The following NTRK3 variants were observed in gnomAD, a reference collection of about 807,000 sequenced individuals.
The protein encoded by NTRK3 is neurotrophic receptor tyrosine kinase 3.
Under a neutral mutation model 91.7 loss-of-function variants are expected in NTRK3, and 24 were observed. That is an observed-to-expected ratio of 0.26 (90% CI 0.19 to 0.37). The LOEUF is 0.37. Among genes scored for constraint, NTRK3 ranks in the 10% least tolerant of loss-of-function variants. The pLI is 1.00. For missense variants in NTRK3, 880 were observed against 1,068.9 expected (o/e 0.82, Z 2.46); for synonymous variants, 483 against 404.0 (o/e 1.20, Z -2.34).
At chr15:87,953,585 A>G (rs1204505303) in intron 14 of NTRK3, among the ~76,000 whole-genome samples, 1 of 152,158 alleles carries the variant, frequency 6.6e-6, no homozygotes, top group Non-Finnish European at 1.5e-5. Context: ...CTGTGCAGCT[A>G]ATGAATGGCC....
At chr15:88,010,888 C>T (rs1247640342) in intron 14 of NTRK3, among the ~76,000 whole-genome samples, 1 of 152,102 alleles carries the variant, frequency 6.6e-6, no homozygotes, top group Admixed American at 6.5e-5. Context: ...GCATTCACAG[C>T]AGTTACCTGG....
At chr15:88,145,005 C>T (rs1319724707) in intron 6 of NTRK3, among the ~76,000 whole-genome samples, 5 of 152,142 alleles carry the variant, frequency 3.3e-5, no homozygotes, top group Non-Finnish European at 7.4e-5. Flanking sequence ...TTTCCTGGCT[C>T]CACAACACAC....
intron 14 of NTRK3, among the ~76,000 whole-genome samples, chr15:87,972,670 T>C (rs1440489012): frequency 1.3e-5 from 2 of 152,022 alleles, no homozygotes; most frequent in Admixed American, 6.5e-5. Context: ...TGGTAGAGGG[T>C]CATGAGAAAA....
At chr15:88,113,380 AT>A (rs575386521) in intron 13 of NTRK3, among the ~76,000 whole-genome samples, 3,584 of 130,714 alleles carry the variant, frequency 0.027, 50 homozygotes, top group Non-Finnish European at 0.041. Flanking sequence ...CAGTGGCGTG[AT>A]CTTGGCTCAC....
At chr15:88,179,429 C>A (rs930475268) in intron 5 of NTRK3, among the ~76,000 whole-genome samples, 1 of 152,192 alleles carries the variant, frequency 6.6e-6, no homozygotes, top group Non-Finnish European at 1.5e-5. Context: ...AAAACAAAGC[C>A]ACCTACCATA....
chr15:88,130,246 C>A (rs1051803836), intron 10 of NTRK3, among the ~76,000 whole-genome samples: 8 of 152,184 alleles, frequency 5.3e-5, no homozygotes, highest in South Asian at 2.1e-4. Context: ...TACAAATAAA[C>A]AATTCAATAA....
chr15:87,972,306 T>C (rs911078284), intron 14 of NTRK3, among the ~76,000 whole-genome samples: 2 of 152,226 alleles, frequency 1.3e-5, no homozygotes, highest in Non-Finnish European at 2.9e-5. Flanking sequence ...CCAGCATTAC[T>C]TACCAAAGCC....
In NTRK3 at chr15:88,183,294, G is replaced by A. The variant is rs577856916; in HGVS notation, c.395+124C>T. The A allele has an allele frequency of 5.4e-6, 5 of 925,132 alleles. No homozygotes were observed. The East Asian group carries it at 1.2e-4, about 22-fold the overall frequency. 57.3% of individuals were successfully genotyped at this position (925,132 alleles called of 1,614,324 possible). ...GAGGCAAAATTGGAAGCCCAATAAAGTTCAAAACCTTGCCCAAGAGCCCCT... is the reference window on the plus strand; with the variant it reads ...GAGGCAAAATTGGAAGCCCAATAAAATTCAAAACCTTGCCCAAGAGCCCCT... On this transcript the variant is annotated intron_variant, in intron 5 of 18. Transcript: ENST00000394480.
intron 3 of NTRK3, among the ~76,000 whole-genome samples, chr15:88,251,104 G>A (rs1005320166): frequency 4.6e-5 from 7 of 152,192 alleles, no homozygotes; most frequent in Non-Finnish European, 1.5e-5. Context: ...CATTTGGTCT[G>A]GGCAGTTGAC....
intron 18 of NTRK3, among the ~76,000 whole-genome samples, chr15:87,878,188 T>A (rs2065039750): frequency 6.6e-6 from 1 of 152,222 alleles, no homozygotes; most frequent in Admixed American, 6.5e-5. Flanking sequence ...TTGGTCATAA[T>A]GATAAAAATA....
intron 5 of NTRK3, among the ~76,000 whole-genome samples, chr15:88,149,431 A>G (rs1317415606): frequency 6.6e-6 from 1 of 152,162 alleles, no homozygotes; most frequent in Admixed American, 6.5e-5. Context: ...AGCCTCTAGG[A>G]TAGTCCCCAT....
chr15:88,201,820 C>T (rs554598148), intron 3 of NTRK3, among the ~76,000 whole-genome samples: 1 of 152,294 alleles, frequency 6.6e-6, no homozygotes, highest in South Asian at 2.1e-4. Flanking sequence ...AGCCCCTGTC[C>T]ACTGGGTCTG....
At chr15:88,166,899 C>T (rs186884787) in intron 5 of NTRK3, among the ~76,000 whole-genome samples, 5 of 152,258 alleles carry the variant, frequency 3.3e-5, no homozygotes, top group Middle Eastern at 3.4e-3. Context: ...ATAAATATTT[C>T]GTCTCTTTTT....
exon 19 of NTRK3, chr15:87,872,504 G>GGT: frequency 4.4e-6 from 1 of 228,276 alleles, no homozygotes; most frequent in Non-Finnish European, 8.7e-6. Flanking sequence ...CATGAGAGAT[G>GGT]GGCAGGCCTC....
intron 5 of NTRK3, among the ~76,000 whole-genome samples, chr15:88,178,012 A>G (rs770310099): frequency 6.6e-6 from 1 of 152,220 alleles, no homozygotes; most frequent in Non-Finnish European, 1.5e-5. Flanking sequence ...TTGAACCCTG[A>G]TCTTTCTATC....
intron 13 of NTRK3, among the ~76,000 whole-genome samples, chr15:88,125,644 A>G (rs2053206895): frequency 6.6e-6 from 1 of 152,020 alleles, no homozygotes; most frequent in Non-Finnish European, 1.5e-5. Flanking sequence ...AACCCCTTTC[A>G]TGCCAGTCCC....
intron 13 of NTRK3, among the ~76,000 whole-genome samples, chr15:88,053,543 T>C (rs1435822749): frequency 2.0e-5 from 3 of 152,192 alleles, no homozygotes; most frequent in African/African-American, 7.2e-5. Flanking sequence ...AGTGAGGCCA[T>C]AGGTACGTTG....
intron 14 of NTRK3, among the ~76,000 whole-genome samples, chr15:87,945,673 C>T (rs945849386): frequency 6.6e-6 from 1 of 152,116 alleles, no homozygotes; most frequent in African/African-American, 2.4e-5. Context: ...CCACTGTCAG[C>T]TTCACCTCCC....
chr15:88,164,796 T>G (rs941584757), intron 5 of NTRK3, among the ~76,000 whole-genome samples: 28 of 152,292 alleles, frequency 1.8e-4, no homozygotes, highest in East Asian at 5.8e-4. Flanking sequence ...GGGCTTTAAT[T>G]TATTCACCAA....
Sources: gnomAD v4.1 joint callset for allele counts (sites outside exome capture counted in the v4.1 genomes callset) on GRCh38, gnomAD v4.1.1 for gene constraint, MANE v1.5 for transcripts, NCBI Gene and HGNC (gene_info 2026-07-23, HGNC 2026-07-21) for gene names.